The following INAVA variants were observed in gnomAD, a reference collection of about 807,000 sequenced individuals.
INAVA encodes the protein innate immunity activator.
A neutral mutation model predicts 55.3 loss-of-function variants in INAVA; 32 were observed. The observed-to-expected ratio is 0.58, with a 90% confidence interval of 0.44 to 0.78. The LOEUF (loss-of-function observed/expected upper bound fraction) is 0.78, where lower values mean the gene tolerates loss of function less well. Ranked by LOEUF, INAVA falls within the 30% of genes least tolerant of loss-of-function variation. INAVA has a pLI of 0.00. For synonymous variants in INAVA, 294 were observed against 329.4 expected, an observed-to-expected ratio of 0.89 and a Z score of 1.16; for missense variants, 756 against 786.4, an observed-to-expected ratio of 0.96 and a Z score of 0.46.
intron 5 of INAVA, among the ~76,000 whole-genome samples, chr1:200,905,834 T>A (rs1653465784): frequency 6.6e-6 from 1 of 152,264 alleles, no homozygotes; most frequent in South Asian, 2.1e-4. Context: ...ACTTTTTACT[T>A]TTTTTGAAAC....
At chr1:200,900,296 T>TGG in intron 4 of INAVA, 76 bp downstream of exon 4, 1 of 1,319,370 alleles carries the variant, frequency 7.6e-7, no homozygotes, top group South Asian at 1.3e-5. Flanking sequence ...CTCAGCTCAG[T>TGG]ACCCTGGCAG....
upstream of INAVA, among the ~76,000 whole-genome samples, chr1:200,892,736 A>G (rs1668261342): frequency 6.6e-6 from 1 of 152,194 alleles, no homozygotes; most frequent in Admixed American, 6.5e-5. Context: ...GGTATTTTGA[A>G]TTGAATGACA....
Position 200,911,969 on chromosome 1 carries a change from C to T in INAVA, c.1476C>T (p.Gly492=), listed in dbSNP as rs1653761654. Residue 492 remains glycine (G), a synonymous_variant, in exon 9 of 10, where the codon GGC becomes GGT. Coordinates refer to ENST00000413687, the MANE Select transcript of INAVA (RefSeq NM_001142569.3). ...RTPSLKDSPA[G]RGLSKAAVSE... ...CCTCCCTGAAGGACAGCCCGGCAGG[C>T]CGGGGGCTCAGCAAGGCCGCCGTGT... The T allele has an allele frequency of 2.6e-6, 4 of 1,533,792 alleles. No individual in the cohort carries two copies. The highest frequency in any genetic ancestry group is 1.4e-5 in the African/African-American group (1 of 72,992).
chr1:200,896,536 C>T (rs985938080), intron 1 of INAVA, among the ~76,000 whole-genome samples: 1 of 152,236 alleles, frequency 6.6e-6, no homozygotes, highest in East Asian at 1.9e-4. Flanking sequence ...CAAAGGCCTC[C>T]CATAAAGTTA....
chr1:200,899,714 C>T, intron 3 of INAVA, 117 bp downstream of exon 3: 3 of 1,445,908 alleles, frequency 2.1e-6, no homozygotes, highest in Non-Finnish European at 2.8e-6. Flanking sequence ...TTCTGGACAT[C>T]AGGCTGGGGG....
At chr1:200,896,907 C>T (rs972191548) in intron 1 of INAVA, among the ~76,000 whole-genome samples, 7 of 152,232 alleles carry the variant, frequency 4.6e-5, no homozygotes, top group African/African-American at 1.2e-4. Context: ...GACAGAAACT[C>T]GGAAGGACTT....
At chr1:200,909,036 G>C (rs1486514013) in intron 7 of INAVA, 96 bp downstream of exon 7, 1 of 1,377,498 alleles carries the variant, frequency 7.3e-7, no homozygotes, top group African/African-American at 1.5e-5. Context: ...TGGAAAAGTG[G>C]AAAGGTGGAG....
upstream of INAVA, chr1:200,894,752 C>T (rs1051051577): frequency 7.7e-5 from 76 of 981,970 alleles, no homozygotes; most frequent in Non-Finnish European, 9.1e-5. Context: ...GCCCCTTTTT[C>T]CCTGCTACCC....
At position 200,911,649 on chromosome 1, in the gene INAVA, G is replaced by A. The variant is rs745556773; in HGVS notation, c.1156G>A (p.Gly386Ser). The A allele has an allele frequency of 3.1e-6, 5 of 1,613,832 alleles. No individual in the cohort carries two copies. The highest frequency in any genetic ancestry group is 1.3e-5 in the African/African-American group (1 of 74,890). Residue 386 changes from glycine (G) to serine (S), a missense_variant, in exon 9 of 10, where the codon GGC (glycine) becomes AGC (serine). Gly to Ser is a moderately conservative substitution (Grantham distance 56). Around this residue, in one of 2 missense-constraint regions of INAVA, gnomAD observed 639 missense variants for 624.3 expected, o/e 1.02. Transcript: ENST00000413687. ...VSSISHPTSP[G>S]SSSPDISFLQ... ...CAGCATCTCCCACCCCACTTCGCCG[G>A]GCAGCAGCAGCCCCGACATCTCCTT...
chr1:200,907,496 A>T (rs1653540984), intron 5 of INAVA, among the ~76,000 whole-genome samples: 1 of 152,096 alleles, frequency 6.6e-6, no homozygotes. Context: ...TCTCTACAAA[A>T]AAAATAAAAT....
chr1:200,899,689 C>G, intron 3 of INAVA, 92 bp downstream of exon 3: 1 of 1,517,386 alleles, frequency 6.6e-7, no homozygotes, highest in Middle Eastern at 2.4e-4. Context: ...AGAGGGAGCC[C>G]CATTCTTGAG....
At chr1:200,896,464 A>C (rs1432945487) in intron 1 of INAVA, among the ~76,000 whole-genome samples, 1 of 152,118 alleles carries the variant, frequency 6.6e-6, no homozygotes, top group East Asian at 1.9e-4. Flanking sequence ...AGTCATCCTA[A>C]GTATCCTGCG....
chr1:200,912,158 C>A (rs1371311658), intron 9 of INAVA, 21 bp downstream of exon 9: 2 of 1,533,690 alleles, frequency 1.3e-6, no homozygotes, highest in Non-Finnish European at 8.8e-7. Flanking sequence ...TCTGGAGGGA[C>A]CCCGGGGCCA....
At chr1:200,895,114 C>T (rs1668315547) in intron 1 of INAVA, 27 bp downstream of exon 1, 18 of 985,608 alleles carry the variant, frequency 1.8e-5, no homozygotes, top group Non-Finnish European at 2.0e-5. Context: ...TGGAATGGGT[C>T]TTTGGGGCTG....
intron 5 of INAVA, chr1:200,906,186 C>T (rs1004495237): frequency 6.6e-6 from 1 of 152,154 alleles, no homozygotes; most frequent in African/African-American, 2.4e-5. Context: ...GAAAATGTTT[C>T]GTGAGTTCCA....
At chr1:200,897,647 T>C (rs1354429243) in intron 1 of INAVA, among the ~76,000 whole-genome samples, 3 of 152,036 alleles carry the variant, frequency 2.0e-5, no homozygotes, top group African/African-American at 7.2e-5. Flanking sequence ...CTTTTTTTTT[T>C]GGAGACGGGG....
In INAVA at chr1:200,894,966, C is replaced by T; in HGVS notation, c.-216C>T. On this transcript the variant is annotated 5_prime_UTR_variant, in exon 1 of 10. Coordinates refer to ENST00000413687, the MANE Select transcript of INAVA (RefSeq NM_001142569.3). ...ACGGACGGACGGCCAGCAGCTCCGTCAGCTGGAGAGAGAGCACAGGCCTGT... is the reference window on the plus strand; with the variant it reads ...ACGGACGGACGGCCAGCAGCTCCGTTAGCTGGAGAGAGAGCACAGGCCTGT... 1 of 985,768 alleles carries T rather than the reference C, an allele frequency of 1.0e-6. No homozygotes were observed. The highest frequency in any genetic ancestry group is 1.2e-6 in the Non-Finnish European group (1 of 830,136). 61.1% of individuals were successfully genotyped at this position (985,768 alleles called of 1,614,324 possible). A position where few individuals can be genotyped will look rare whatever the true frequency, so the allele number is the denominator to read the frequency against.
At chr1:200,906,740 T>G (rs1191782107) in intron 5 of INAVA, among the ~76,000 whole-genome samples, 2 of 152,178 alleles carry the variant, frequency 1.3e-5, no homozygotes, top group Non-Finnish European at 2.9e-5. Flanking sequence ...TGCGTTCCTC[T>G]TGTTGTTGGT....
chr1:200,895,274 C>T (rs1483538267), intron 1 of INAVA, among the ~76,000 whole-genome samples, 187 bp downstream of exon 1: 1 of 151,986 alleles, frequency 6.6e-6, no homozygotes, highest in East Asian at 1.9e-4. Flanking sequence ...GTTGCCTAGG[C>T]CTTAGTTTCC....
Sources: allele counts gnomAD v4.1 joint callset (sites outside exome capture counted in the v4.1 genomes callset), GRCh38; gene constraint gnomAD v4.1.1; regional missense constraint gnomAD v4.1.1; transcripts MANE v1.5; gene names NCBI Gene and HGNC (gene_info 2026-07-23, HGNC 2026-07-21).